The following BRD9 variants were observed in gnomAD, a reference collection of about 807,000 sequenced individuals.
The protein encoded by BRD9 is bromodomain containing 9.
Under a neutral mutation model 68.7 loss-of-function variants are expected in BRD9, and 47 were observed. That is an observed-to-expected ratio of 0.68 (90% confidence interval 0.54 to 0.87). BRD9 has a LOEUF of 0.87. BRD9 is among the 40% of genes least tolerant of loss of function. The pLI is 0.00. For synonymous variants in BRD9, 313 were observed against 293.9 expected, an observed-to-expected ratio of 1.06 and a Z score of -0.67; for missense variants, 670 against 748.4, an observed-to-expected ratio of 0.90 and a Z score of 1.22.
At chr5:890,998 GA>G (rs1389896869) in intron 3 of BRD9, among the ~76,000 whole-genome samples, 156 bp downstream of exon 3, 4 of 152,166 alleles carry the variant, frequency 2.6e-5, no homozygotes, top group Non-Finnish European at 4.4e-5. Context: ...GACACCGGAG[GA>G]AACCTCAGGC....
At chr5:888,771 G>A (rs188480108) in intron 5 of BRD9, among the ~76,000 whole-genome samples, 10 of 152,312 alleles carry the variant, frequency 6.6e-5, no homozygotes, top group East Asian at 3.9e-4. Context: ...TTACGCCAGC[G>A]CAGTAACTTA....
chr5:892,190 T>G, intron 1 of BRD9: 1 of 426,618 alleles, frequency 2.3e-6, no homozygotes, highest in South Asian at 2.8e-5. Flanking sequence ...CCCCCAGCAC[T>G]TCGGTTCACC....
intron 8 of BRD9, 81 bp from the exon 9 acceptor site, chr5:881,263 C>T: frequency 2.3e-6 from 3 of 1,331,346 alleles, no homozygotes; most frequent in Non-Finnish European, 1.1e-6. Context: ...ACAAGCAGGG[C>T]TTAATGGGGG....
intron 1 of BRD9, chr5:892,134 A>G: frequency 2.1e-6 from 1 of 486,880 alleles, no homozygotes; most frequent in Non-Finnish European, 3.6e-6. Flanking sequence ...AAGAAGATGG[A>G]TTAAGAGGGA....
intron 12 of BRD9, among the ~76,000 whole-genome samples, chr5:872,886 T>C (rs542262287): frequency 3.3e-5 from 5 of 152,162 alleles, no homozygotes; most frequent in Non-Finnish European, 7.4e-5. Flanking sequence ...CCCAGCACTG[T>C]TCCCTGTAGA....
chr5:875,816 C>G (rs1750818219), intron 12 of BRD9, among the ~76,000 whole-genome samples: 1 of 152,152 alleles, frequency 6.6e-6, no homozygotes, highest in Admixed American at 6.5e-5. Flanking sequence ...ATCTGAACTA[C>G]AGGAAATATT....
chr5:887,515 A>G (rs1164906752), intron 5 of BRD9, 44 bp from the exon 6 acceptor site: 2 of 1,450,004 alleles, frequency 1.4e-6, no homozygotes, highest in Admixed American at 1.7e-5. Flanking sequence ...GAAATGCCAC[A>G]GACAACAGCA....
In BRD9 at chr5:877,734, G is replaced by A. The variant is rs114590990; in HGVS notation, c.1271+621C>T. Among the ~76,000 whole-genome samples the A allele has an allele frequency of 5.9e-3, 895 of 152,256 alleles. 7 individuals are homozygous for A. Among genetic ancestry groups the A allele is most frequent in the African/African-American group, 0.02 (835 of 41,544 alleles). Reference sequence around the variant, plus strand: ...CTCAGAGTTCGTAAGTTGAAATCCCGACCCCAGTGCCTTGGAATGTGATTA... The same window carrying A: ...CTCAGAGTTCGTAAGTTGAAATCCCAACCCCAGTGCCTTGGAATGTGATTA... On this transcript the variant is annotated intron_variant, in intron 11 of 15. Transcript: ENST00000467963.
intron 12 of BRD9, among the ~76,000 whole-genome samples, chr5:875,876 A>T (rs1750829760): frequency 6.6e-6 from 1 of 152,248 alleles, no homozygotes; most frequent in African/African-American, 2.4e-5. Context: ...AAAGATGAAG[A>T]TGGAAATAGA....
chr5:870,948 T>C (rs1299219103), intron 13 of BRD9, among the ~76,000 whole-genome samples: 2 of 152,218 alleles, frequency 1.3e-5, no homozygotes, highest in Non-Finnish European at 2.9e-5. Flanking sequence ...TTCCCTTTCC[T>C]TTCCCAGCAA....
At chr5:865,269 T>A in intron 15 of BRD9, 145 bp downstream of exon 15, 1 of 1,148,738 alleles carries the variant, frequency 8.7e-7, no homozygotes. Context: ...CAAGGACATC[T>A]GTGGAAACCG....
In BRD9 at chr5:876,092, G is replaced by T; in HGVS notation, c.1383+9C>A. 6.2e-7 allele frequency: 1 copy of T among 1,600,632 alleles called. No individual in the cohort carries two copies. ...CCTGCCCCCCAACCCCGGTGCGAGTGCAGCCCACCTGCTTCAGCTGGAAGA... is the reference window on the plus strand; with the variant it reads ...CCTGCCCCCCAACCCCGGTGCGAGTTCAGCCCACCTGCTTCAGCTGGAAGA... On this transcript the variant is annotated intron_variant, in intron 12 of 15. Coordinates refer to ENST00000467963, the MANE Select transcript of BRD9 (RefSeq NM_023924.5).
At position 865,401 on chromosome 5, in the gene BRD9, G is replaced by C. The variant is rs753955523; in HGVS notation, c.1693+13C>G. On this transcript the variant is annotated intron_variant, in intron 15 of 15. Transcript: ENST00000467963. ...GGGTCTCTGGGGATGCGGCGTGGGT[G>C]GGGGCATCTCACCCAGGTGGTGCTG... 3.8e-6 allele frequency: 6 copies of C among 1,562,046 alleles called. No individual in the cohort carries two copies. The highest frequency in any genetic ancestry group is 4.3e-6 in the Non-Finnish European group (5 of 1,150,076).
At chr5:889,816 A>G (rs1753088872) in intron 3 of BRD9, 169 bp from the exon 4 acceptor site, 1 of 1,431,060 alleles carries the variant, frequency 7.0e-7, no homozygotes, top group Non-Finnish European at 9.3e-7. Flanking sequence ...CACCAAGCTC[A>G]GCCGGGTAGA....
chr5:873,607 C>A (rs920560323), intron 12 of BRD9, among the ~76,000 whole-genome samples: 3 of 152,186 alleles, frequency 2.0e-5, no homozygotes, highest in African/African-American at 4.8e-5. Context: ...ACAAGCCTTG[C>A]CTGTAGCCAG....
In BRD9 at chr5:891,907, C is replaced by T. The variant is rs1387881980; in HGVS notation, c.53-53G>A. 14 of 1,544,444 alleles carry T rather than the reference C, an allele frequency of 9.1e-6. No homozygotes were observed. The East Asian group carries it at 3.2e-4, about 35-fold the overall frequency. ...CGCGTGCTCAGGTGCAAACGCCACGCAGCCAGGTGAGACGTGAAGGTGCTA... is the reference window on the plus strand; with the variant it reads ...CGCGTGCTCAGGTGCAAACGCCACGTAGCCAGGTGAGACGTGAAGGTGCTA... On this transcript the variant is annotated intron_variant, in intron 1 of 15. Coordinates refer to ENST00000467963, the MANE Select transcript of BRD9 (RefSeq NM_023924.5).
At chr5:881,545 G>A (rs1370663298) in intron 8 of BRD9, 7 of 338,176 alleles carry the variant, frequency 2.1e-5, no homozygotes, top group Non-Finnish European at 3.3e-5. Context: ...TCAAGCATGT[G>A]TGGACTGGTT....
At chr5:869,255 CCT>C (rs779177550) in intron 14 of BRD9, 10 of 453,756 alleles carry the variant, frequency 2.2e-5, no homozygotes, top group East Asian at 1.4e-4. Context: ...CTCATTATCC[CCT>C]CTTTTGGAAT....
intron 2 of BRD9, 164 bp from the exon 3 acceptor site, chr5:891,451 C>A: frequency 7.6e-7 from 1 of 1,316,218 alleles, no homozygotes; most frequent in Non-Finnish European, 1.0e-6. Flanking sequence ...CTGGCAGGGT[C>A]TGCTGAGGAA....
Sources: gnomAD v4.1 joint callset for allele counts (sites outside exome capture counted in the v4.1 genomes callset) on GRCh38, gnomAD v4.1.1 for gene constraint, MANE v1.5 for transcripts, NCBI Gene and HGNC (gene_info 2026-07-23, HGNC 2026-07-21) for gene names.